The following KIAA1217 variants were observed in gnomAD, a reference collection of about 807,000 sequenced individuals.
KIAA1217 encodes the protein KIAA1217, also known as sickle tail protein homolog.
Under a neutral mutation model 163.9 loss-of-function variants are expected in KIAA1217, and 88 were observed. The observed-to-expected ratio is 0.54, with a 90% confidence interval of 0.45 to 0.64. The LOEUF is 0.64. Ranked by LOEUF, KIAA1217 falls within the 30% of genes least tolerant of loss-of-function variation. The pLI is 0.00. For synonymous variants in KIAA1217, 903 were observed against 923.1 expected (o/e 0.98, Z 0.39); for missense variants, 2,372 against 2,475.0 (o/e 0.96, Z 0.88).
chr10:23,838,755 C>T (rs1021672127), intron 1 of KIAA1217, among the ~76,000 whole-genome samples: 3 of 151,792 alleles, frequency 2.0e-5, no homozygotes, highest in Admixed American at 1.3e-4. Context: ...ACCAGCACAC[C>T]CAGCCGCTTA....
intron 2 of KIAA1217, among the ~76,000 whole-genome samples, chr10:24,025,896 G>C (rs1847921738): frequency 6.6e-6 from 1 of 151,708 alleles, no homozygotes; most frequent in African/African-American, 2.4e-5. Context: ...GCTCCTAGTA[G>C]CTTTATGGTA....
chr10:24,158,066 C>A, intron 2 of KIAA1217: 1 of 754,916 alleles, frequency 1.3e-6, no homozygotes, highest in Non-Finnish European at 2.5e-6. Flanking sequence ...ACCAGTTTTA[C>A]TAGCTCATAA....
At chr10:23,758,195 C>T (rs896251445) in intron 1 of KIAA1217, among the ~76,000 whole-genome samples, 3 of 152,164 alleles carry the variant, frequency 2.0e-5, no homozygotes, top group African/African-American at 7.2e-5. Flanking sequence ...ATAGCTATTA[C>T]ATTTAGGTCT....
chr10:23,717,642 A>C (rs917150801), intron 1 of KIAA1217, among the ~76,000 whole-genome samples: 19 of 152,288 alleles, frequency 1.2e-4, no homozygotes, highest in African/African-American at 4.1e-4. Flanking sequence ...ATAGAATTTA[A>C]GTCTAGACAA....
upstream of KIAA1217, chr10:24,208,924 A>C: frequency 1.1e-5 from 3 of 267,312 alleles, no homozygotes; most frequent in Non-Finnish European, 1.5e-5. Context: ...CAGTCCCCGG[A>C]GAGCGCGCCT....
chr10:24,243,141 A>G (rs1317304221), intron 2 of KIAA1217, among the ~76,000 whole-genome samples: 1 of 152,192 alleles, frequency 6.6e-6, no homozygotes, highest in Non-Finnish European at 1.5e-5. Flanking sequence ...TATTTCATTC[A>G]AAGTTTTAGT....
At position 24,092,011 on chromosome 10, in the gene KIAA1217, T is replaced by A. The variant is rs2061955642; in HGVS notation, c.-171+84637T>A. Among the ~76,000 whole-genome samples, 2 of 151,750 alleles carry A rather than the reference T, an allele frequency of 1.3e-5. 1 individual carries two copies. Among genetic ancestry groups the A allele is most frequent in the African/African-American group, 4.9e-5 (2 of 41,036 alleles). ...TTAACATGGAAGAGCTACCTTTTTA[T>A]CAAAAGCCAGTCCCTCCCATCCTAC... On this transcript the variant is annotated intron_variant, in intron 2 of 18. Coordinates refer to the KIAA1217 transcript ENST00000376462.
intron 4 of KIAA1217, 127 bp downstream of exon 4, chr10:24,433,320 T>G (rs952543043): frequency 1.4e-5 from 9 of 644,542 alleles, no homozygotes; most frequent in Non-Finnish European, 2.4e-5. Context: ...TTGTTTTTTG[T>G]TTTTTGTTTT....
intron 1 of KIAA1217, among the ~76,000 whole-genome samples, chr10:23,990,555 A>T (rs1846175976): frequency 6.6e-6 from 1 of 152,130 alleles, no homozygotes; most frequent in African/African-American, 2.4e-5. Context: ...ATGATTAGTC[A>T]TATCTTTGGG....
At chr10:24,514,241 T>C (rs1222065503) in intron 10 of KIAA1217, among the ~76,000 whole-genome samples, 1 of 152,226 alleles carries the variant, frequency 6.6e-6, no homozygotes, top group Non-Finnish European at 1.5e-5. Context: ...GAGGGGTTTC[T>C]CCAGTGTTGA....
intron 1 of KIAA1217, among the ~76,000 whole-genome samples, chr10:23,896,225 T>A (rs990359586): frequency 6.6e-6 from 1 of 151,988 alleles, no homozygotes. Context: ...ATTTTTTAAT[T>A]TATCTTTTGT....
chr10:24,389,097 C>T (rs1274032131), intron 3 of KIAA1217, among the ~76,000 whole-genome samples: 3 of 152,112 alleles, frequency 2.0e-5, no homozygotes, highest in East Asian at 1.9e-4. Flanking sequence ...TATAAACACA[C>T]ACACGTACGT....
chr10:24,521,923 T>C lies in KIAA1217; in HGVS notation c.2450T>C (p.Leu817Pro). ...AGCATGACAGACGTCCTGACCATGC[T>C]GCGGAGGTGACCGGGCCCTCATCGT... is the stretch of plus-strand genomic sequence containing the variant. Reference protein sequence around the residue: ...VRSMTDVLTMLRRHVTDGLLK... With the variant: ...VRSMTDVLTMPRRHVTDGLLK... The change falls in exon 12 of 21, where the codon CTG becomes CCG. Residue 817 changes from leucine (L) to proline (P), a missense_variant. Leu to Pro is a moderately conservative substitution (Grantham distance 98). This residue lies in a region of KIAA1217 where 1,431 missense variants were observed against 1,470.3 expected (regional missense o/e 0.97). Coordinates refer to ENST00000376454, the MANE Select transcript of KIAA1217 (RefSeq NM_019590.5). 2 of 1,606,806 alleles carry C rather than the reference T, an allele frequency of 1.2e-6. No individual in the cohort carries two copies. The highest frequency in any genetic ancestry group is 1.7e-6 in the Non-Finnish European group (2 of 1,175,848).
intron 2 of KIAA1217, among the ~76,000 whole-genome samples, chr10:24,095,085 G>A (rs951149699): frequency 1.2e-4 from 18 of 152,214 alleles, no homozygotes; most frequent in Admixed American, 9.8e-4. Context: ...AAGCCCGTCG[G>A]AAAAGCGCAG....
At chr10:23,878,705 T>A (rs891111301) in intron 1 of KIAA1217, among the ~76,000 whole-genome samples, 1 of 151,892 alleles carries the variant, frequency 6.6e-6, no homozygotes, top group Non-Finnish European at 1.5e-5. Context: ...GGGCGATGAA[T>A]GGAAGAAGTA....
chr10:24,081,805 G>A (rs2131658308), intron 2 of KIAA1217, among the ~76,000 whole-genome samples: 1 of 152,320 alleles, frequency 6.6e-6, no homozygotes, highest in African/African-American at 2.4e-5. Flanking sequence ...ATGTGGCCTG[G>A]GGACTGAGGG....
intron 15 of KIAA1217, 74 bp from the exon 16 acceptor site, chr10:24,532,996 C>A: frequency 7.2e-7 from 1 of 1,385,614 alleles, no homozygotes; most frequent in Non-Finnish European, 9.9e-7. Context: ...CAGTGAGGGA[C>A]CATACGATCT....
At chr10:23,755,974 A>G (rs1833899877) in intron 1 of KIAA1217, among the ~76,000 whole-genome samples, 1 of 151,842 alleles carries the variant, frequency 6.6e-6, no homozygotes, top group African/African-American at 2.4e-5. Context: ...TTTTATGGAG[A>G]CAGGGGTTTC....
At chr10:23,764,797 G>C (rs1481068938) in intron 1 of KIAA1217, among the ~76,000 whole-genome samples, 2 of 152,150 alleles carry the variant, frequency 1.3e-5, no homozygotes, top group Non-Finnish European at 2.9e-5. Flanking sequence ...CCTGTTGAGG[G>C]GTGGGGCCTG....
Sources: allele counts gnomAD v4.1 joint callset (sites outside exome capture counted in the v4.1 genomes callset), GRCh38; gene constraint gnomAD v4.1.1; regional missense constraint gnomAD v4.1.1; transcripts MANE v1.5; gene names NCBI Gene and HGNC (gene_info 2026-07-23, HGNC 2026-07-21).